CLTCL1: variants seen among roughly 807,000 people sequenced by gnomAD.
CLTCL1 encodes the protein clathrin heavy chain 2.
Under a neutral mutation model 190.0 loss-of-function variants are expected in CLTCL1, and 159 were observed. The observed-to-expected ratio is 0.84, with a 90% CI of 0.74 to 0.95. CLTCL1 has a LOEUF of 0.95. Among genes scored for constraint, CLTCL1 ranks in the 40% least tolerant of loss-of-function variants. CLTCL1 has a pLI of 0.00. For synonymous variants in CLTCL1, 752 were observed against 769.6 expected, an observed-to-expected ratio of 0.98 and a Z score of 0.38; for missense variants, 1,878 against 2,033.4, an observed-to-expected ratio of 0.92 and a Z score of 1.47.
intron 1 of CLTCL1, among the ~76,000 whole-genome samples, chr22:19,284,998 G>T (rs1404253186): frequency 6.6e-6 from 1 of 151,238 alleles, no homozygotes; most frequent in African/African-American, 2.4e-5. Flanking sequence ...GAAACACGCT[G>T]GGCGCGGTGG....
intron 26 of CLTCL1, among the ~76,000 whole-genome samples, chr22:19,192,835 C>A (rs1465528424): frequency 1.3e-5 from 2 of 152,206 alleles, no homozygotes; most frequent in Non-Finnish European, 2.9e-5. Context: ...TCACCTATGG[C>A]ACTGGTGGGC....
intron 29 of CLTCL1, among the ~76,000 whole-genome samples, chr22:19,185,290 A>G (rs1555927758): frequency 6.6e-6 from 1 of 151,468 alleles, no homozygotes; most frequent in African/African-American, 2.4e-5. Context: ...CCTGGCTGAC[A>G]GCCACTGTTC....
At chr22:19,282,835 T>A (rs2087767702) in intron 1 of CLTCL1, among the ~76,000 whole-genome samples, 1 of 151,580 alleles carries the variant, frequency 6.6e-6, no homozygotes, top group Admixed American at 6.6e-5. Flanking sequence ...AGAAAAGTGA[T>A]GTGCTGAAAA....
At chr22:19,259,589 G>A (rs1249938101) in intron 2 of CLTCL1, among the ~76,000 whole-genome samples, 2 of 152,014 alleles carry the variant, frequency 1.3e-5, no homozygotes. Context: ...GATCTTTCAT[G>A]TTATTACAGT....
In CLTCL1 at chr22:19,210,339, G is replaced by A; in HGVS notation, c.3236C>T (p.Ala1079Val). Residue 1079 changes from alanine (A) to valine (V), a missense_variant, in exon 20 of 33, where the codon GCC (alanine) becomes GTC (valine). Physicochemically the swap from Ala to Val is moderately conservative, Grantham distance 64. Coordinates refer to ENST00000427926, the MANE Select transcript of CLTCL1 (RefSeq NM_007098.4). ...TCAGCAGCCCACCTGGATTGCTGAG[G>A]CATTCATATCAAACTTGTGGAAAAC... Reference protein sequence around the residue: ...FTVFHKFDMNASAIQVLIEHI... With the variant: ...FTVFHKFDMNVSAIQVLIEHI... 6.2e-7 allele frequency: 1 copy of A among 1,613,836 alleles called. No homozygotes were observed. Among genetic ancestry groups the A allele is most frequent in the South Asian group, 1.1e-5 (1 of 91,072 alleles).
rs1027736217 is a variant in CLTCL1, at chr22:19,239,887, A to G, written c.682-499T>C. Among the ~76,000 whole-genome samples the G allele has an allele frequency of 6.6e-5, 10 of 151,554 alleles. No individual in the cohort carries two copies. In the East Asian group the frequency reaches 1.9e-3, roughly 30 times the overall value. On this transcript the variant is annotated intron_variant, in intron 4 of 32. Coordinates refer to ENST00000427926, the MANE Select transcript of CLTCL1 (RefSeq NM_007098.4). ...TGATGAGGGAGCCCATCCCTGCCTTATGAGAACAGCTCCAAGTTCCTGACC... is the reference window on the plus strand; with the variant it reads ...TGATGAGGGAGCCCATCCCTGCCTTGTGAGAACAGCTCCAAGTTCCTGACC...
intron 2 of CLTCL1, chr22:19,258,953 T>C: frequency 2.8e-6 from 1 of 361,162 alleles, no homozygotes; most frequent in Non-Finnish European, 5.1e-6. Context: ...AATGATTTTT[T>C]TGGATATGAC....
chr22:19,209,192 C>T (rs2085144662), intron 20 of CLTCL1, 78 bp from the exon 21 acceptor site: 5 of 1,314,304 alleles, frequency 3.8e-6, no homozygotes, highest in Middle Eastern at 1.9e-4. Flanking sequence ...TGTTTGGTTT[C>T]CTGTTCTGCC....
At chr22:19,204,367 G>A (rs1354108042) in intron 22 of CLTCL1, among the ~76,000 whole-genome samples, 1 of 152,140 alleles carries the variant, frequency 6.6e-6, no homozygotes, top group Non-Finnish European at 1.5e-5. Context: ...CCGCTGTCTT[G>A]TTCTAAGGGC....
chr22:19,202,546 GTCATCCATGGCACCTCCCCTCCTTCCA>G (rs1366318312), intron 22 of CLTCL1, among the ~76,000 whole-genome samples: 19 of 84,338 alleles, frequency 2.3e-4, no homozygotes, highest in African/African-American at 8.0e-4. Context: ...CCCTCCTTCT[GTCATCCATGGCACCTCCCCTCCTTCCA>G]TCATCCATGG....
chr22:19,189,048 T>C (rs2146229308), intron 27 of CLTCL1, among the ~76,000 whole-genome samples: 1 of 151,778 alleles, frequency 6.6e-6, no homozygotes, highest in East Asian at 1.9e-4. Context: ...GGATTACAGG[T>C]GCGCGCCCAC....
chr22:19,276,409 C>T (rs1353179014), intron 1 of CLTCL1, among the ~76,000 whole-genome samples: 1 of 152,124 alleles, frequency 6.6e-6, no homozygotes, highest in Non-Finnish European at 1.5e-5. Context: ...ATAAGAAAGT[C>T]AGCAGGTTTG....
chr22:19,279,138 GTATTTATT>G (rs1163482536), intron 1 of CLTCL1, among the ~76,000 whole-genome samples: 33 of 152,058 alleles, frequency 2.2e-4, no homozygotes, highest in African/African-American at 7.7e-4. Flanking sequence ...ATGTATTTAT[GTATTTATT>G]TATTTATTTG....
chr22:19,225,307 G>T (rs528316254), intron 13 of CLTCL1, 146 bp downstream of exon 13: 8 of 735,420 alleles, frequency 1.1e-5, no homozygotes, highest in Non-Finnish European at 1.7e-5. Flanking sequence ...GTAGCATTCT[G>T]CCACCGACTG....
chr22:19,192,643 G>A (rs2084551855), intron 26 of CLTCL1, among the ~76,000 whole-genome samples: 1 of 152,144 alleles, frequency 6.6e-6, no homozygotes, highest in South Asian at 2.1e-4. Context: ...GACTAAAAGG[G>A]GTCTAATGGT....
chr22:19,181,259 G>T (rs1469493006), intron 30 of CLTCL1: 1 of 165,016 alleles, frequency 6.1e-6, no homozygotes, highest in Non-Finnish European at 1.3e-5. Flanking sequence ...GGCTCTCAGA[G>T]ACAAGTCACC....
chr22:19,247,176 G>A (rs1555968278), intron 3 of CLTCL1, among the ~76,000 whole-genome samples: 1 of 152,102 alleles, frequency 6.6e-6, no homozygotes, highest in Non-Finnish European at 1.5e-5. Flanking sequence ...TTTTGTACAT[G>A]GTGTGAGGCA....
At chr22:19,188,317 G>A (rs1191555616) in intron 27 of CLTCL1, among the ~76,000 whole-genome samples, 1 of 152,222 alleles carries the variant, frequency 6.6e-6, no homozygotes, top group South Asian at 2.1e-4. Context: ...ACCTTAGAGA[G>A]ACACATGGGT....
intron 3 of CLTCL1, among the ~76,000 whole-genome samples, chr22:19,250,565 T>G (rs1211018635): frequency 6.6e-6 from 1 of 151,378 alleles, no homozygotes; most frequent in African/African-American, 2.4e-5. Flanking sequence ...CTTTTTTAAT[T>G]TTTTTTTAGA....
Sources: allele counts gnomAD v4.1 joint callset (sites outside exome capture counted in the v4.1 genomes callset), GRCh38; gene constraint gnomAD v4.1.1; transcripts MANE v1.5; gene names NCBI Gene and HGNC (gene_info 2026-07-23, HGNC 2026-07-21).